Variants in ABHD18 observed in about 807,000 individuals in gnomAD.
The protein encoded by ABHD18 is abhydrolase domain containing 18.
A neutral mutation model predicts 65.9 loss-of-function variants in ABHD18; 55 were observed. That is an observed-to-expected ratio of 0.84 (90% CI 0.67 to 1.05). The LOEUF (loss-of-function observed/expected upper bound fraction) is 1.05, where lower values mean the gene tolerates loss of function less well. Ranked by LOEUF, ABHD18 falls within the 50% of genes least tolerant of loss-of-function variation. The probability of loss-of-function intolerance (pLI) is 0.00; values close to 1 mark genes in which losing one functional copy is unlikely to be tolerated. For missense variants in ABHD18, 533 were observed against 558.5 expected (o/e 0.95, Z 0.46); for synonymous variants, 181 against 180.2 (o/e 1.00, Z -0.04).
chr4:128,025,630 T>A (rs1315890073), intron 10 of ABHD18, among the ~76,000 whole-genome samples: 1 of 152,176 alleles, frequency 6.6e-6, no homozygotes, highest in African/African-American at 2.4e-5. Flanking sequence ...GTTATATAAG[T>A]GTAAATTCCT....
At chr4:127,982,038 G>C (rs915933150) in intron 1 of ABHD18, among the ~76,000 whole-genome samples, 1 of 152,104 alleles carries the variant, frequency 6.6e-6, no homozygotes, top group African/African-American at 2.4e-5. Context: ...TATTAAGTTG[G>C]TCTTGCAGGT....
chr4:127,969,064 C>A (rs1198433968), intron 1 of ABHD18, among the ~76,000 whole-genome samples: 1 of 152,114 alleles, frequency 6.6e-6, no homozygotes, highest in Non-Finnish European at 1.5e-5. Flanking sequence ...GATTTACTTT[C>A]TTTTCCTCAT....
intron 4 of ABHD18, among the ~76,000 whole-genome samples, chr4:127,991,826 G>A (rs992761062): frequency 1.3e-5 from 2 of 152,070 alleles, no homozygotes; most frequent in South Asian, 2.1e-4. Flanking sequence ...TTAAGTGAAC[G>A]TATTGGAATC....
At position 128,039,302 on chromosome 4, in the gene ABHD18, T is replaced by G. The variant is rs571480458; in HGVS notation, c.*3489T>G. 1 of 151,746 alleles carries G rather than the reference T, an allele frequency of 6.6e-6. No homozygotes were observed. Among genetic ancestry groups the G allele is most frequent in the Non-Finnish European group, 1.5e-5 (1 of 67,950 alleles). 9.4% of individuals were successfully genotyped at this position (151,746 alleles called of 1,614,324 possible). ...AAACTGGTAGTTCACATAGGCCAGT[T>G]TGACCCACAGTTATTTTATTAGATG... On this transcript the variant is annotated 3_prime_UTR_variant, in exon 13 of 13. Coordinates refer to ENST00000645843, the MANE Select transcript of ABHD18 (RefSeq NM_001358451.3).
rs201887935 is a variant in ABHD18, at chr4:127,984,337, A to T, written c.93-2A>T. The T allele has an allele frequency of 1.2e-5, 18 of 1,544,934 alleles. No homozygotes were observed. Among genetic ancestry groups the T allele is most frequent in the Non-Finnish European group, 1.6e-5 (18 of 1,141,402 alleles). On this transcript the variant is annotated splice_acceptor_variant, in intron 2 of 12. Coordinates refer to ENST00000645843, the MANE Select transcript of ABHD18 (RefSeq NM_001358451.3). LOFTEE classifies it high-confidence loss of function. ...TCCTTTTTGTCTTCTTTCCCATAATAGACTCTTTGAATTCAGAAAGATGAT... is the reference window on the plus strand; with the variant it reads ...TCCTTTTTGTCTTCTTTCCCATAATTGACTCTTTGAATTCAGAAAGATGAT...
intron 6 of ABHD18, among the ~76,000 whole-genome samples, chr4:128,009,837 A>G (rs931633801): frequency 7.2e-5 from 11 of 152,238 alleles, no homozygotes; most frequent in African/African-American, 2.7e-4. Flanking sequence ...AAGGATAAAA[A>G]CTAAGAAAAA....
In ABHD18 at chr4:128,008,920, G is replaced by C; in HGVS notation, c.279G>C (p.Arg93Ser). The change falls in exon 5 of 13, where the codon AGG (arginine) becomes AGC (serine). Residue 93 changes from arginine (R) to serine (S), a missense_variant and splice_region_variant. By Grantham distance (110) the Arg-to-Ser change is moderately radical. Coordinates refer to ENST00000645843, the MANE Select transcript of ABHD18 (RefSeq NM_001358451.3). ...DIMPIESVIARFQFIVPKEWN... is the reference protein window; with the variant it reads ...DIMPIESVIASFQFIVPKEWN... ...GATAAGTCTATGCTTTTAAAAATAG[G>C]TTCCAATTTATTGTGCCTAAAGAAT... 1 of 1,598,530 alleles carries C rather than the reference G, an allele frequency of 6.3e-7. No homozygotes were observed. Among genetic ancestry groups the C allele is most frequent in the Non-Finnish European group, 8.5e-7 (1 of 1,173,938 alleles).
intron 7 of ABHD18, among the ~76,000 whole-genome samples, chr4:128,013,666 C>G (rs963940916): frequency 1.3e-5 from 2 of 151,756 alleles, no homozygotes; most frequent in African/African-American, 4.8e-5. Flanking sequence ...CCACTGCACT[C>G]CAGCCCGGGC....
At position 127,990,985 on chromosome 4, in the gene ABHD18, G is replaced by A. The variant is rs576381367; in HGVS notation, c.278+1164G>A. Among the ~76,000 whole-genome samples the A allele has an allele frequency of 6.6e-5, 10 of 151,694 alleles. No individual in the cohort carries two copies. The South Asian group carries it at 8.4e-4, about 13-fold the overall frequency. ...TTCAAGCGATTCTCATGTCTCAGCC[G>A]CCTGAGTAGCTGGGATTATAAGCGT... On this transcript the variant is annotated intron_variant, in intron 4 of 12. Coordinates refer to ENST00000645843, the MANE Select transcript of ABHD18 (RefSeq NM_001358451.3).
chr4:128,003,011 C>T (rs1322517114), intron 4 of ABHD18, among the ~76,000 whole-genome samples: 1 of 152,052 alleles, frequency 6.6e-6, no homozygotes, highest in African/African-American at 2.4e-5. Flanking sequence ...TGTTGTTCAC[C>T]ACTTGTTTGA....
In ABHD18 at chr4:127,988,101, G is replaced by C. The variant is rs546329778; in HGVS notation, c.178-1620G>C. On this transcript the variant is annotated intron_variant, in intron 3 of 12. Coordinates refer to ENST00000645843, the MANE Select transcript of ABHD18 (RefSeq NM_001358451.3). Reference sequence around the variant, plus strand: ...CCTAATGAAGGATTGAAAATAACTTGTAGAAATATATGGATATTTAGTACA... The same window carrying C: ...CCTAATGAAGGATTGAAAATAACTTCTAGAAATATATGGATATTTAGTACA... Among the ~76,000 whole-genome samples the C allele has an allele frequency of 3.9e-5, 6 of 152,272 alleles. No homozygotes were observed. In the East Asian group the frequency reaches 1.2e-3, roughly 29 times the overall value.
At chr4:128,003,854 C>T (rs6534656) in intron 4 of ABHD18, among the ~76,000 whole-genome samples, 14 of 150,922 alleles carry the variant, frequency 9.3e-5, no homozygotes, top group Non-Finnish European at 3.0e-5. Context: ...CTGAGGCTGA[C>T]GATCGCTTGA....
rs1043171347 is a variant in ABHD18, at chr4:128,036,234, G to A, written c.*421G>A. 6.6e-6 allele frequency: 1 copy of A among 152,258 alleles called. No individual in the cohort carries two copies. Among genetic ancestry groups the A allele is most frequent in the African/African-American group, 2.4e-5 (1 of 41,382 alleles). 9.4% of individuals were successfully genotyped at this position (152,258 alleles called of 1,614,324 possible). Reference sequence around the variant, plus strand: ...TGTACCCTTATAACATTTCACTCTTGACTTGATTTGAGAAACATGTTTATT... The same window carrying A: ...TGTACCCTTATAACATTTCACTCTTAACTTGATTTGAGAAACATGTTTATT... On this transcript the variant is annotated 3_prime_UTR_variant, in exon 13 of 13. Transcript: ENST00000645843.
chr4:127,987,720 A>T (rs1030741987), intron 3 of ABHD18, among the ~76,000 whole-genome samples: 32 of 144,684 alleles, frequency 2.2e-4, no homozygotes, highest in African/African-American at 8.3e-4. Flanking sequence ...AAAAAAAAAT[A>T]AATAAATAAA....
intron 1 of ABHD18, among the ~76,000 whole-genome samples, chr4:127,968,931 C>T (rs887191740): frequency 2.0e-5 from 3 of 152,040 alleles, no homozygotes; most frequent in Admixed American, 6.6e-5. Flanking sequence ...GAAAGACTTA[C>T]GTGTTTAGAG....
At chr4:128,021,271 G>T in intron 10 of ABHD18, 33 bp downstream of exon 10, 1 of 1,235,016 alleles carries the variant, frequency 8.1e-7, no homozygotes, top group Non-Finnish European at 1.2e-6. Context: ...AACATTGGTG[G>T]TGGGGGGAGT....
chr4:127,981,860 C>T (rs957361021), intron 1 of ABHD18, among the ~76,000 whole-genome samples: 10 of 152,074 alleles, frequency 6.6e-5, no homozygotes, highest in African/African-American at 2.4e-4. Context: ...TCTGGCCATA[C>T]GTTGTCTTGT....
intron 2 of ABHD18, 142 bp from the exon 3 acceptor site, chr4:127,984,197 A>G: frequency 2.0e-6 from 1 of 491,602 alleles, no homozygotes. Flanking sequence ...TAATCGCTTC[A>G]GTGATCAAAA....
chr4:128,032,297 A>T (rs892998697), intron 12 of ABHD18, among the ~76,000 whole-genome samples: 1 of 152,236 alleles, frequency 6.6e-6, no homozygotes, highest in African/African-American at 2.4e-5. Context: ...GACCTCTTCC[A>T]TTCCCCATCA....
Sources: gnomAD v4.1 joint callset for allele counts (sites outside exome capture counted in the v4.1 genomes callset) on GRCh38, gnomAD v4.1.1 for gene constraint, MANE v1.5 for transcripts, NCBI Gene and HGNC (gene_info 2026-07-23, HGNC 2026-07-21) for gene names.